The following DDX19B variants were observed in gnomAD, a reference collection of about 807,000 sequenced individuals.
DDX19B encodes the protein ATP-dependent RNA helicase DDX19B.
Under a neutral mutation model 58.1 loss-of-function variants are expected in DDX19B, and 27 were observed. The ratio of observed to expected loss-of-function variants is 0.46; its 90% CI spans 0.34 to 0.64. The LOEUF (loss-of-function observed/expected upper bound fraction) is 0.64. DDX19B is among the 30% of genes least tolerant of loss of function. The pLI, the probability that DDX19B is intolerant of heterozygous loss-of-function variation, is 0.01. For synonymous variants in DDX19B, 187 were observed against 214.4 expected (o/e 0.87, Z 1.12); for missense variants, 399 against 596.5 (o/e 0.67, Z 3.45).
At chr16:70,319,311 G>A (rs1230784772) in intron 5 of DDX19B, among the ~76,000 whole-genome samples, 1 of 152,106 alleles carries the variant, frequency 6.6e-6, no homozygotes, top group African/African-American at 2.4e-5. Context: ...TTACTAAGGT[G>A]GTTTCCTGGT....
At chr16:70,312,705 A>G in intron 2 of DDX19B, 48 bp downstream of exon 2, 1 of 1,555,476 alleles carries the variant, frequency 6.4e-7, no homozygotes, top group Non-Finnish European at 8.8e-7. Flanking sequence ...TTCCTTCAGT[A>G]TTTTTGTTTT....
chr16:70,332,884 T>A, intron 10 of DDX19B, 84 bp from the exon 11 acceptor site: 1 of 1,612,594 alleles, frequency 6.2e-7, no homozygotes, highest in Non-Finnish European at 8.5e-7. Context: ...TAATGCTGAG[T>A]CATGCTCCAT....
intron 1 of DDX19B, among the ~76,000 whole-genome samples, chr16:70,308,003 A>T (rs1469097807): frequency 4.0e-5 from 6 of 151,640 alleles, no homozygotes; most frequent in Non-Finnish European, 8.8e-5. Flanking sequence ...CCAAGGCTGG[A>T]GTGCAGTGGC....
At chr16:70,291,629 G>A (rs982508791), upstream of DDX19B, among the ~76,000 whole-genome samples, 1 of 151,986 alleles carries the variant, frequency 6.6e-6, no homozygotes, top group African/African-American at 2.4e-5. Flanking sequence ...CTAACACGAC[G>A]AAACCCCGTC....
intron 3 of DDX19B, 161 bp from the exon 4 acceptor site, chr16:70,315,808 T>A: frequency 9.6e-7 from 1 of 1,044,740 alleles, no homozygotes; most frequent in Non-Finnish European, 1.3e-6. Context: ...ACTTTTTTCT[T>A]TAATAAAACT....
chr16:70,300,687 A>G (rs1421051991), intron 1 of DDX19B, among the ~76,000 whole-genome samples: 2 of 151,938 alleles, frequency 1.3e-5, no homozygotes, highest in Non-Finnish European at 2.9e-5. Flanking sequence ...GTGCCAACAT[A>G]TGCAGCTAAC....
At chr16:70,329,222 CAAAAA>C (rs531084597) in intron 7 of DDX19B, 65 bp from the exon 8 acceptor site, 887 of 1,253,584 alleles carry the variant, frequency 7.1e-4, no homozygotes, top group East Asian at 1.1e-3. Flanking sequence ...GACTCTGTCT[CAAAAA>C]AAAAAAAAAA....
At chr16:70,294,406 C>T (rs1195805154), upstream of DDX19B, among the ~76,000 whole-genome samples, 1 of 152,138 alleles carries the variant, frequency 6.6e-6, no homozygotes, top group Non-Finnish European at 1.5e-5. Flanking sequence ...TAACAGGCTT[C>T]AGGCGATATC....
chr16:70,291,727 C>T (rs1013662292), upstream of DDX19B, among the ~76,000 whole-genome samples: 2 of 151,996 alleles, frequency 1.3e-5, no homozygotes, highest in Admixed American at 6.6e-5. Flanking sequence ...AGGAGAATGG[C>T]GTGAACCCGG....
chr16:70,332,681 A>T (rs559096733), intron 10 of DDX19B, among the ~76,000 whole-genome samples: 19 of 151,996 alleles, frequency 1.3e-4, no homozygotes, highest in Non-Finnish European at 2.1e-4. Flanking sequence ...TCCTGTCCTT[A>T]CTTCTCTCTG....
chr16:70,305,569 A>G (rs1961706958), intron 1 of DDX19B, among the ~76,000 whole-genome samples: 5 of 152,180 alleles, frequency 3.3e-5, no homozygotes, highest in Admixed American at 3.3e-4. Flanking sequence ...AAAAAGTAAT[A>G]AAGGCTGAGA....
chr16:70,306,447 G>A (rs1005594422), intron 1 of DDX19B, among the ~76,000 whole-genome samples: 4 of 152,158 alleles, frequency 2.6e-5, no homozygotes, highest in African/African-American at 9.7e-5. Context: ...CACTGCACCC[G>A]GCCATTCAGG....
At chr16:70,307,721 A>T (rs894107152) in intron 1 of DDX19B, among the ~76,000 whole-genome samples, 1 of 148,442 alleles carries the variant, frequency 6.7e-6, no homozygotes, top group Non-Finnish European at 1.5e-5. Context: ...GTGTGTATAT[A>T]TGTGTGTATT....
At chr16:70,322,625 G>A (rs1962901998) in intron 5 of DDX19B, among the ~76,000 whole-genome samples, 1 of 150,062 alleles carries the variant, frequency 6.7e-6, no homozygotes, top group South Asian at 2.1e-4. Flanking sequence ...CGGGCGTGGT[G>A]GCTCACGACT....
At chr16:70,315,212 T>TA (rs1202210685) in intron 3 of DDX19B, among the ~76,000 whole-genome samples, 3 of 113,690 alleles carry the variant, frequency 2.6e-5, no homozygotes, top group Non-Finnish European at 5.5e-5. Context: ...CCGTCTCCAC[T>TA]AAAAATACAA....
chr16:70,314,879 ATGGC>A lies in DDX19B; in HGVS notation c.107-22_107-19del, dbSNP rs1387680089. On this transcript the variant is annotated intron_variant, in intron 2 of 11. Transcript: ENST00000288071. ...TGGGTATGGGATGCGATTTTGAATG[ATGGC>A]CACTTTGTGTCTATAAAGGTGCTGT... 8 of 1,607,304 alleles carry A rather than the reference ATGGC, an allele frequency of 5.0e-6. No individual in the cohort carries two copies. Among genetic ancestry groups the A allele is most frequent in the Non-Finnish European group, 6.0e-6 (7 of 1,175,496 alleles).
At chr16:70,307,358 TTTTTTTA>T (rs1383170889) in intron 1 of DDX19B, among the ~76,000 whole-genome samples, 3 of 152,178 alleles carry the variant, frequency 2.0e-5, no homozygotes, top group Non-Finnish European at 2.9e-5. Flanking sequence ...ATAATATGTC[TTTTTTTA>T]TTTTTTATTT....
At chr16:70,326,662 A>G (rs1597496276) in intron 7 of DDX19B, among the ~76,000 whole-genome samples, 1 of 151,470 alleles carries the variant, frequency 6.6e-6, no homozygotes, top group Non-Finnish European at 1.5e-5. Context: ...TCAGACTCCC[A>G]AGTAGCTGGG....
chr16:70,293,753 AGG>A (rs1387929881), upstream of DDX19B, among the ~76,000 whole-genome samples: 5 of 150,102 alleles, frequency 3.3e-5, no homozygotes, highest in Non-Finnish European at 4.4e-5. Flanking sequence ...CTGGGACTAC[AGG>A]CGCCCGCCAC....
Sources: allele counts gnomAD v4.1 joint callset (sites outside exome capture counted in the v4.1 genomes callset), GRCh38; gene constraint gnomAD v4.1.1; transcripts MANE v1.5; gene names NCBI Gene and HGNC (gene_info 2026-07-23, HGNC 2026-07-21).